The following ITGA8 variants were observed in gnomAD, a reference collection of about 807,000 sequenced individuals.
ITGA8 encodes the protein integrin subunit alpha 8.
In ITGA8, 91 loss-of-function variants were observed where a neutral mutation model predicts 142.3. That is an observed-to-expected ratio of 0.64 (90% CI 0.54 to 0.76). The LOEUF is 0.76. ITGA8 is among the 30% of genes least tolerant of loss of function. The pLI is 0.00. For synonymous variants in ITGA8, 505 were observed against 485.2 expected (o/e 1.04, Z -0.54); for missense variants, 1,406 against 1,327.7 (o/e 1.06, Z -0.92).
intron 25 of ITGA8, among the ~76,000 whole-genome samples, chr10:15,562,618 A>G (rs7901597): frequency 0.39 from 59,244 of 152,092 alleles, 12,135 homozygotes; most frequent in African/African-American, 0.51. Flanking sequence ...AAGTGAGACC[A>G]TCATAAAAAC....
chr10:15,542,516 G>A (rs1833590558), intron 27 of ITGA8, among the ~76,000 whole-genome samples: 1 of 152,066 alleles, frequency 6.6e-6, no homozygotes, highest in African/African-American at 2.4e-5. Flanking sequence ...TAAATATCTT[G>A]AAAAATTTTA....
Position 15,672,656 on chromosome 10 carries a change from A to C in ITGA8, c.770T>G (p.Val257Gly), listed in dbSNP as rs1218480098. 17 of 1,613,640 alleles carry C rather than the reference A, an allele frequency of 1.1e-5. No individual in the cohort carries two copies. The highest frequency in any genetic ancestry group is 1.4e-5 in the Non-Finnish European group (16 of 1,179,800). Residue 257 changes from valine to glycine, a missense_variant, in exon 7 of 30, where the codon GTG becomes GGG. Val to Gly is a moderately radical substitution (Grantham distance 109). Transcript: ENST00000378076. Reference sequence around the variant, plus strand: ...ACTGTCATCATAGGAAGCTGGAGCCACTTCCGTCTGCTTTTCTCCTGCCAG... The same window carrying C: ...ACTGTCATCATAGGAAGCTGGAGCCCCTTCCGTCTGCTTTTCTCCTGCCAG... The part of the protein sequence containing the change: ...RKLAGEKQTE[V>G]APASYDDSYL...
At chr10:15,658,075 G>A (rs1834219636) in intron 10 of ITGA8, among the ~76,000 whole-genome samples, 1 of 152,176 alleles carries the variant, frequency 6.6e-6, no homozygotes, top group Admixed American at 6.5e-5. Context: ...CATTTCTTGA[G>A]GAGTTGTTAT....
At chr10:15,526,305 T>A (rs1467235956) in intron 28 of ITGA8, among the ~76,000 whole-genome samples, 1 of 151,844 alleles carries the variant, frequency 6.6e-6, no homozygotes, top group Non-Finnish European at 1.5e-5. Flanking sequence ...GCCTCCCGAG[T>A]AGCTGGGATT....
chr10:15,652,813 C>T (rs1049009759), intron 11 of ITGA8, among the ~76,000 whole-genome samples: 2 of 152,180 alleles, frequency 1.3e-5, no homozygotes, highest in Admixed American at 1.3e-4. Context: ...TTCCACTGCC[C>T]TCCAAGCCAC....
At chr10:15,675,870 C>G (rs1370552463) in intron 6 of ITGA8, among the ~76,000 whole-genome samples, 1 of 152,134 alleles carries the variant, frequency 6.6e-6, no homozygotes, top group East Asian at 1.9e-4. Flanking sequence ...TTTTAAATTT[C>G]TATGTCTCAG....
intron 14 of ITGA8, among the ~76,000 whole-genome samples, chr10:15,615,598 C>T (rs1011697811): frequency 3.9e-5 from 6 of 152,170 alleles, no homozygotes; most frequent in South Asian, 2.1e-4. Context: ...ACTACAACCT[C>T]GACCTCTCAG....
intron 4 of ITGA8, among the ~76,000 whole-genome samples, chr10:15,682,179 A>AT (rs903451261): frequency 6.6e-6 from 1 of 151,994 alleles, no homozygotes; most frequent in African/African-American, 2.4e-5. Flanking sequence ...GTCTTGCTGT[A>AT]TTTTTTTGTA....
chr10:15,719,000 T>C, intron 1 of ITGA8, 101 bp from the exon 2 acceptor site: 1 of 1,531,382 alleles, frequency 6.5e-7, no homozygotes, highest in Non-Finnish European at 8.9e-7. Flanking sequence ...GGGGCAGGCG[T>C]GGAGGGCATG....
intron 13 of ITGA8, among the ~76,000 whole-genome samples, chr10:15,637,501 T>C (rs1278191022): frequency 7.4e-6 from 1 of 134,660 alleles, no homozygotes; most frequent in Non-Finnish European, 1.6e-5. Flanking sequence ...ACAGACTCTT[T>C]AAATTTTTTT....
intron 9 of ITGA8, among the ~76,000 whole-genome samples, chr10:15,659,624 T>C (rs117201378): frequency 0.015 from 2,352 of 152,322 alleles, 28 homozygotes; most frequent in Non-Finnish European, 0.024. Flanking sequence ...CAAAATTTCA[T>C]ATCTACCCAG....
intron 28 of ITGA8, among the ~76,000 whole-genome samples, chr10:15,525,099 T>G (rs1315674482): frequency 6.6e-6 from 1 of 152,074 alleles, no homozygotes; most frequent in Non-Finnish European, 1.5e-5. Context: ...GCCTCCAACT[T>G]CTGGGCTCAA....
intron 27 of ITGA8, among the ~76,000 whole-genome samples, chr10:15,539,687 T>A (rs1162952898): frequency 6.6e-6 from 1 of 152,176 alleles, no homozygotes; most frequent in African/African-American, 2.4e-5. Flanking sequence ...GCTGCATGCA[T>A]TTTGGAGGTA....
intron 25 of ITGA8, among the ~76,000 whole-genome samples, chr10:15,571,747 C>T (rs1040250000): frequency 2.0e-5 from 3 of 152,210 alleles, no homozygotes; most frequent in African/African-American, 4.8e-5. Context: ...ACATTCCTTT[C>T]TGGGAGTTCT....
At chr10:15,563,603 T>C (rs1374925210) in intron 25 of ITGA8, among the ~76,000 whole-genome samples, 1 of 152,172 alleles carries the variant, frequency 6.6e-6, no homozygotes, top group Non-Finnish European at 1.5e-5. Context: ...GCAGTAATAG[T>C]AGTGGTGGTG....
chr10:15,545,165 C>G (rs1353610666), intron 27 of ITGA8, among the ~76,000 whole-genome samples: 1 of 152,346 alleles, frequency 6.6e-6, no homozygotes, highest in South Asian at 2.1e-4. Flanking sequence ...GGGTTCAGAA[C>G]AGAACTCTTG....
chr10:15,575,607 A>C lies in ITGA8; in HGVS notation c.2373-13T>G, dbSNP rs200781153. The C allele has an allele frequency of 1.3e-6, 2 of 1,598,246 alleles. No individual in the cohort carries two copies. The highest frequency in any genetic ancestry group is 4.5e-5 in the East Asian group (2 of 44,744). ...AGGGTGTGACACTCTGAAACATGAA[A>C]TGTCCTGTTAATTGTTAGCAATGGC... is the stretch of plus-strand genomic sequence containing the variant. On this transcript the variant is annotated splice_polypyrimidine_tract_variant and intron_variant, in intron 23 of 29. Coordinates refer to ENST00000378076, the MANE Select transcript of ITGA8 (RefSeq NM_003638.3).
chr10:15,517,022 TGATGTTTCCA>T lies in ITGA8; in HGVS notation c.*126_*135del. ...TCTCCAAAGTGCGGTGTAGATGAGG[TGATGTTTCCA>T]GGGTCCCCTCCATTTCCTGGGTCAC... On this transcript the variant is annotated 3_prime_UTR_variant, in exon 30 of 30. Transcript: ENST00000378076. 4.5e-6 allele frequency: 2 copies of T among 446,452 alleles called. No individual in the cohort carries two copies. Among genetic ancestry groups the T allele is most frequent in the Non-Finnish European group, 7.6e-6 (2 of 263,662 alleles). The allele number at this position is 446,452 out of a possible 1,614,324, so 27.7% of individuals were successfully genotyped here.
chr10:15,545,715 C>A (rs1461325878), intron 27 of ITGA8, among the ~76,000 whole-genome samples: 1 of 151,760 alleles, frequency 6.6e-6, no homozygotes, highest in African/African-American at 2.4e-5. Context: ...TAAATGGAAT[C>A]ATAATTGACT....
Sources: allele counts gnomAD v4.1 joint callset (sites outside exome capture counted in the v4.1 genomes callset), GRCh38; gene constraint gnomAD v4.1.1; transcripts MANE v1.5; gene names NCBI Gene and HGNC (gene_info 2026-07-23, HGNC 2026-07-21).